The following PSD2 variants were observed in gnomAD, a reference collection of about 807,000 sequenced individuals.
The protein encoded by PSD2 is PH and SEC7 domain-containing protein 2.
In PSD2, 38 loss-of-function variants were observed where a neutral mutation model predicts 69.8. The ratio of observed to expected loss-of-function variants is 0.54; its 90% CI spans 0.42 to 0.71. PSD2 has a LOEUF of 0.71. Ranked by LOEUF, PSD2 falls within the 30% of genes least tolerant of loss-of-function variation. The pLI, the probability that PSD2 is intolerant of heterozygous loss-of-function variation, is 0.00. For synonymous variants in PSD2, 412 were observed against 423.0 expected, an observed-to-expected ratio of 0.97 and a Z score of 0.32; for missense variants, 943 against 1,014.5, an observed-to-expected ratio of 0.93 and a Z score of 0.96.
intron 1 of PSD2, among the ~76,000 whole-genome samples, chr5:139,797,139 C>T (rs990475789): frequency 6.6e-6 from 1 of 152,216 alleles, no homozygotes; most frequent in African/African-American, 2.4e-5. Flanking sequence ...GAACCTGTCT[C>T]CCAGGGAAGC....
At position 139,839,837 on chromosome 5, in the gene PSD2, G is replaced by A. The variant is rs1760827984; in HGVS notation, c.1969-190G>A. The stretch of plus-strand genomic sequence containing the variant: ...GGAAAGCTGATGCTGATGGGACCTG[G>A]GGGAGGAGGAAGGGAGGTGGGAGGA... On this transcript the variant is annotated intron_variant, in intron 13 of 14. Transcript: ENST00000274710. The surrounding 1 kb of genome is among the most constrained non-coding windows in gnomAD (Gnocchi z 5.1). Among the ~76,000 whole-genome samples, 1 of 152,204 alleles carries A rather than the reference G, an allele frequency of 6.6e-6. No homozygotes were observed. The highest frequency in any genetic ancestry group is 2.1e-4 in the South Asian group (1 of 4,830).
chr5:139,751,492 A>G, the PSD2 span, among the ~76,000 whole-genome samples: 4 of 152,320 alleles, frequency 2.6e-5, no homozygotes, highest in East Asian at 3.9e-4. Flanking sequence ...AGTGTGACCA[A>G]CTGGGAACCC....
chr5:139,767,351 A>G, the PSD2 span, among the ~76,000 whole-genome samples: 1 of 147,498 alleles, frequency 6.8e-6, no homozygotes, highest in Non-Finnish European at 1.5e-5. Context: ...ATCCCACTCT[A>G]TTGCCCAGGC....
intron 1 of PSD2, among the ~76,000 whole-genome samples, chr5:139,809,065 C>A (rs974961745): frequency 6.6e-6 from 1 of 152,216 alleles, no homozygotes; most frequent in Non-Finnish European, 1.5e-5. Context: ...CTGGACCCTT[C>A]TCCACTTCCT....
chr5:139,793,915 C>T (rs1759463448), upstream of PSD2, among the ~76,000 whole-genome samples: 1 of 152,212 alleles, frequency 6.6e-6, no homozygotes, highest in South Asian at 2.1e-4. Flanking sequence ...GGTGGTCCAG[C>T]TGTGACTTGA....
chr5:139,756,668 T>C, the PSD2 span, among the ~76,000 whole-genome samples: 6,258 of 152,246 alleles, frequency 0.041, 442 homozygotes, highest in African/African-American at 0.14. Context: ...GGTGGGATTC[T>C]TCTGGCTGGG....
the PSD2 span, among the ~76,000 whole-genome samples, chr5:139,762,882 G>C: frequency 2.0e-5 from 3 of 152,220 alleles, no homozygotes; most frequent in African/African-American, 2.4e-5. Context: ...AGATGGCCTG[G>C]GGGGAGAGCA....
chr5:139,747,104 A>G, the PSD2 span, among the ~76,000 whole-genome samples: 2 of 150,656 alleles, frequency 1.3e-5, no homozygotes, highest in Non-Finnish European at 3.0e-5. This position sits in a 1 kb window ranked among gnomAD's most constrained non-coding sequence, Gnocchi z 6.7. Flanking sequence ...GTCTATCTCC[A>G]CATCTCCATC....
At position 139,809,802 on chromosome 5, in the gene PSD2, C is replaced by T. The variant is rs1388633460; in HGVS notation, c.362C>T (p.Pro121Leu). ...AGCCTCTACCCAGATGCTGAGGACC[C>T]TCAGCTGGGGTGAGTGGATGTCTTG... Reference protein sequence around the residue: ...SRSLYPDAEDPQLGLDGPGEP... With the variant: ...SRSLYPDAEDLQLGLDGPGEP... Residue 121 changes from proline to leucine, a missense_variant, in exon 2 of 15, where the codon CCT becomes CTT. This residue lies in a region of PSD2 where 466 missense variants were observed against 445.0 expected (regional missense o/e 1.05). Coordinates refer to ENST00000274710, the MANE Select transcript of PSD2 (RefSeq NM_032289.4). 1.2e-6 allele frequency: 2 copies of T among 1,613,964 alleles called. No homozygotes were observed. Among genetic ancestry groups the T allele is most frequent in the Admixed American group, 3.3e-5 (2 of 59,986 alleles).
chr5:139,751,027 T>G, the PSD2 span, among the ~76,000 whole-genome samples: 1 of 152,178 alleles, frequency 6.6e-6, no homozygotes, highest in East Asian at 1.9e-4. Flanking sequence ...ATGGGGATCC[T>G]TATTCAGGGC....
chr5:139,835,635 C>G (rs1760696417), intron 8 of PSD2, 88 bp from the exon 9 acceptor site: 1 of 1,355,466 alleles, frequency 7.4e-7, no homozygotes, highest in South Asian at 1.2e-5. Context: ...AAAAGGTGCT[C>G]CCTCACTGTA....
chr5:139,809,650 C>T lies in PSD2; in HGVS notation c.210C>T (p.Gly70=). 6.2e-7 allele frequency: 1 copy of T among 1,614,272 alleles called. No homozygotes were observed. The highest frequency in any genetic ancestry group is 2.2e-5 in the East Asian group (1 of 44,892). Reference sequence around the variant, plus strand: ...AGGACCCAGATGTGGCCTTCCATGGCCTCAGCCTTGGCCTCTCTCTCACCA... The same window carrying T: ...AGGACCCAGATGTGGCCTTCCATGGTCTCAGCCTTGGCCTCTCTCTCACCA... The part of the protein sequence containing the change: ...PTKDPDVAFH[G]LSLGLSLTNG... The change falls in exon 2 of 15, where the codon GGC becomes GGT. Residue 70 remains glycine (G), a synonymous_variant. Coordinates refer to ENST00000274710, the MANE Select transcript of PSD2 (RefSeq NM_032289.4).
chr5:139,826,473 C>T (rs1760423695), intron 7 of PSD2, among the ~76,000 whole-genome samples: 1 of 152,140 alleles, frequency 6.6e-6, no homozygotes, highest in South Asian at 2.1e-4. Context: ...GTTGACCCAT[C>T]TCCCACGTTC....
intron 5 of PSD2, 67 bp downstream of exon 5, chr5:139,817,628 A>T: frequency 7.6e-7 from 1 of 1,324,290 alleles, no homozygotes; most frequent in Non-Finnish European, 1.1e-6. Flanking sequence ...TCTCATGTCA[A>T]CTCTACCATA....
intron 3 of PSD2, 148 bp downstream of exon 3, chr5:139,813,906 C>T (rs1760045412): frequency 2.6e-6 from 2 of 761,656 alleles, no homozygotes; most frequent in South Asian, 2.0e-5. Context: ...CCAGGCTTCC[C>T]ACCCTGTGTC....
chr5:139,766,906 TCCCTTCC>T, the PSD2 span, among the ~76,000 whole-genome samples: 3 of 63,518 alleles, frequency 4.7e-5, no homozygotes, highest in South Asian at 7.5e-4. Context: ...CCTCTTTCCC[TCCCTTCC>T]TTCCTTCCTT....
At chr5:139,822,095 T>C (rs913292908) in intron 6 of PSD2, 90 bp downstream of exon 6, 50 of 754,578 alleles carry the variant, frequency 6.6e-5, no homozygotes, top group Middle Eastern at 7.4e-4. Flanking sequence ...GGCACTTCGG[T>C]CCTGTTGCCA....
the PSD2 span, among the ~76,000 whole-genome samples, chr5:139,753,252 T>C: frequency 6.6e-6 from 1 of 152,150 alleles, no homozygotes; most frequent in East Asian, 1.9e-4. Flanking sequence ...ACTTGCCCAG[T>C]GAGCTGGGGC....
chr5:139,777,118 C>G, the PSD2 span, among the ~76,000 whole-genome samples: 4 of 152,230 alleles, frequency 2.6e-5, no homozygotes, highest in Admixed American at 1.3e-4. Context: ...CCCATTCCAG[C>G]CTTTTCTCCA....
Sources: gnomAD v4.1 joint callset for allele counts (sites outside exome capture counted in the v4.1 genomes callset) on GRCh38, gnomAD v4.1.1 for gene constraint, gnomAD v4.1.1 regional missense constraint, Gnocchi (gnomAD v3.1) non-coding constraint, MANE v1.5 for transcripts, NCBI Gene and HGNC (gene_info 2026-07-23, HGNC 2026-07-21) for gene names.